Variants in ANKLE2 observed in about 807,000 individuals in gnomAD.
The protein encoded by ANKLE2 is ankyrin repeat and LEM domain containing 2.
A neutral mutation model predicts 84.2 loss-of-function variants in ANKLE2; 55 were observed. That is an observed-to-expected ratio of 0.65 (90% CI 0.53 to 0.82). The LOEUF (loss-of-function observed/expected upper bound fraction) is 0.82. Among genes scored for constraint, ANKLE2 ranks in the 40% least tolerant of loss-of-function variants. ANKLE2 has a pLI of 0.00. For synonymous variants in ANKLE2, 551 were observed against 486.1 expected (o/e 1.13, Z -1.76); for missense variants, 1,238 against 1,201.9 (o/e 1.03, Z -0.44).
chr12:132,749,171 G>C (rs1031566983), intron 3 of ANKLE2: 4 of 151,590 alleles, frequency 2.6e-5, no homozygotes, highest in South Asian at 2.1e-4. Flanking sequence ...GATTTTTTTG[G>C]GGGGGACGCA....
At chr12:132,741,835 C>T (rs1259050586) in intron 6 of ANKLE2, 24 of 473,942 alleles carry the variant, frequency 5.1e-5, no homozygotes, top group South Asian at 3.4e-4. Flanking sequence ...GTTCCACTTA[C>T]AGGAAGCCTG....
chr12:132,726,091 T>C lies in ANKLE2; in HGVS notation c.*1151A>G, dbSNP rs34590303. The C allele has an allele frequency of 0.012, 1,790 of 152,470 alleles. 22 individuals carry two copies. Among genetic ancestry groups the C allele is most frequent in the Non-Finnish European group, 0.019 (1,309 of 68,130 alleles). 9.4% of individuals were successfully genotyped at this position (152,470 alleles called of 1,614,324 possible). Reference sequence around the variant, plus strand: ...TTTAAAAATGATTTATAAAAGGCACTGAAGTTAGCAAAAGCATTGGTGGGT... The same window carrying C: ...TTTAAAAATGATTTATAAAAGGCACCGAAGTTAGCAAAAGCATTGGTGGGT... On this transcript the variant is annotated 3_prime_UTR_variant, in exon 13 of 13. Transcript: ENST00000357997.
At chr12:132,759,464 T>A (rs1350593817) in intron 1 of ANKLE2, 1 of 137,952 alleles carries the variant, frequency 7.2e-6, no homozygotes, top group Non-Finnish European at 1.5e-5. Context: ...CCACTTACCG[T>A]CCCCACCTGC....
At chr12:132,745,887 C>T (rs1424298842) in intron 5 of ANKLE2, among the ~76,000 whole-genome samples, 1 of 152,258 alleles carries the variant, frequency 6.6e-6, no homozygotes, top group Non-Finnish European at 1.5e-5. Context: ...TGCCCATCCA[C>T]AAGGAGACGT....
chr12:132,755,429 C>CT (rs2136180265), intron 1 of ANKLE2: 5 of 250,010 alleles, frequency 2.0e-5, no homozygotes, highest in Non-Finnish European at 2.3e-5. Flanking sequence ...CCTGTAATCC[C>CT]AGCTACTTGG....
rs375162725 is a variant in ANKLE2 at position 132,748,261 on chromosome 12, C to T, written c.918G>A (p.Thr306=). 1.2e-4 allele frequency: 198 copies of T among 1,614,062 alleles called. No individual in the cohort carries two copies. Among genetic ancestry groups the T allele is most frequent in the Non-Finnish European group, 1.6e-4 (187 of 1,180,042 alleles). ...TCCGAAGCTTGGCGGTGAGGTCCTGCGTGCGGGGATTTTTGTAACTGTTCG... is the reference window on the plus strand; with the variant it reads ...TCCGAAGCTTGGCGGTGAGGTCCTGTGTGCGGGGATTTTTGTAACTGTTCG... ...ERANSYKNPR[T]QDLTAKLRKA... is the part of the protein sequence containing the mutation. The change falls in exon 4 of 13, where the codon ACG becomes ACA. Residue 306 remains threonine, a synonymous_variant. Transcript: ENST00000357997.
Position 132,742,139 on chromosome 12 carries a change from G to C in ANKLE2, c.1354-654C>G, listed in dbSNP as rs1416831276. ...TCAAATGCTTTTTAAAATGCCAGGAGTTTTAAGTTGGTTACCAAATGCCAT... is the reference window on the plus strand; with the variant it reads ...TCAAATGCTTTTTAAAATGCCAGGACTTTTAAGTTGGTTACCAAATGCCAT... On this transcript the variant is annotated intron_variant, in intron 6 of 12. Transcript: ENST00000357997. The C allele has an allele frequency of 2.4e-5, 6 of 253,388 alleles. 1 individual carries two copies. Among genetic ancestry groups the C allele is most frequent in the South Asian group, 1.9e-4 (5 of 26,156 alleles). 15.7% of individuals were successfully genotyped at this position (253,388 alleles called of 1,614,324 possible).
intron 5 of ANKLE2, chr12:132,745,764 G>A (rs1457977967): frequency 2.3e-5 from 4 of 177,664 alleles, no homozygotes; most frequent in East Asian, 2.8e-4. Flanking sequence ...GCCTGTGGTC[G>A]CTTACGCTCA....
At chr12:132,751,841 C>A (rs2044363977) in intron 2 of ANKLE2, among the ~76,000 whole-genome samples, 1 of 152,132 alleles carries the variant, frequency 6.6e-6, no homozygotes. Flanking sequence ...CTGTACCCGG[C>A]TGGGAATGCC....
rs757531686 is a variant in ANKLE2, at chr12:132,754,745, C to T, written c.570G>A (p.Ala190=). Residue 190 remains alanine (A), a synonymous_variant, in exon 2 of 13, where the codon GCG becomes GCA. Coordinates refer to ENST00000357997, the MANE Select transcript of ANKLE2 (RefSeq NM_015114.3). ...PSDTDTYRAG[A]TASKEPPLYY... ...ACAGGGGCGGCTCCTTAGACGCAGT[C>T]GCTCCAGCTCTGTAGGTGTCGGTGT... 21 of 1,614,038 alleles carry T rather than the reference C, an allele frequency of 1.3e-5. No individual in the cohort carries two copies. Among genetic ancestry groups the T allele is most frequent in the East Asian group, 4.5e-5 (2 of 44,896 alleles).
In ANKLE2 at chr12:132,747,888, G is replaced by T; in HGVS notation, c.1174C>A (p.Leu392Met). 1 of 1,611,054 alleles carries T rather than the reference G, an allele frequency of 6.2e-7. No homozygotes were observed. The highest frequency in any genetic ancestry group is 1.1e-5 in the South Asian group (1 of 90,648). ...ACCACGTAACGGATACGCTTCTGCA[G>T]CATGGCCTCGTCGTCATCAGGGTAC... ...LMYPDDDEAMLQKRIRYVVDL... is the reference protein window; with the variant it reads ...LMYPDDDEAMMQKRIRYVVDL... Residue 392 changes from leucine to methionine, a missense_variant, in exon 5 of 13, where the codon CTG (leucine) becomes ATG (methionine). Around this residue, in one of 3 missense-constraint regions of ANKLE2, gnomAD observed 802 missense variants for 774.5 expected, o/e 1.04. Transcript: ENST00000357997.
At chr12:132,757,234 C>T (rs930103616) in intron 1 of ANKLE2, 3 of 152,228 alleles carry the variant, frequency 2.0e-5, no homozygotes, top group Non-Finnish European at 2.9e-5. Context: ...TAGGGCAAAG[C>T]AAATAATTGG....
Position 132,735,223 on chromosome 12 carries a change from G to C in ANKLE2, c.1700+183C>G, listed in dbSNP as rs576224271. The C allele has an allele frequency of 4.1e-5, 25 of 608,006 alleles. No individual in the cohort carries two copies. The South Asian group carries it at 4.9e-4, about 12-fold the overall frequency. 37.7% of individuals were successfully genotyped at this position (608,006 alleles called of 1,614,324 possible). ...TGCAGACATCCCCCAGGTCTGGGAC[G>C]GGACTGGCTTAAGCTAGAATTCCAC... is the stretch of plus-strand genomic sequence containing the variant. On this transcript the variant is annotated intron_variant, in intron 9 of 12. Transcript: ENST00000357997.
chr12:132,759,217 C>T (rs1463188390), intron 1 of ANKLE2: 14 of 124,794 alleles, frequency 1.1e-4, no homozygotes, highest in African/African-American at 2.4e-4. Context: ...CAGAGTGGCA[C>T]CCCGGGGCAC....
intron 1 of ANKLE2, chr12:132,760,614 T>C (rs1272331526): frequency 6.6e-6 from 1 of 152,114 alleles, no homozygotes; most frequent in Admixed American, 6.5e-5. Context: ...CAGCAGAGTA[T>C]AAAGGATTAC....
At position 132,754,780 on chromosome 12, in the gene ANKLE2, G is replaced by T. The variant is rs756176214; in HGVS notation, c.535C>A (p.Pro179Thr). 1 of 1,614,114 alleles carries T rather than the reference G, an allele frequency of 6.2e-7. No individual in the cohort carries two copies. The highest frequency in any genetic ancestry group is 8.5e-7 in the Non-Finnish European group (1 of 1,180,016). Residue 179 changes from proline to threonine, a missense_variant, in exon 2 of 13, where the codon CCC becomes ACC. By Grantham distance (38) the Pro-to-Thr change is conservative (BLOSUM62 -1). Coordinates refer to ENST00000357997, the MANE Select transcript of ANKLE2 (RefSeq NM_015114.3). ...CTGTAGGTGTCGGTGTCACTAGGGG[G>T]CACCGAGCAGGTCTTGGATGTCACA... Reference protein sequence around the residue: ...EAVTSKTCSVPPSDTDTYRAG... With the variant: ...EAVTSKTCSVTPSDTDTYRAG...
chr12:132,744,959 C>T (rs1335159944), intron 5 of ANKLE2, among the ~76,000 whole-genome samples: 2 of 152,228 alleles, frequency 1.3e-5, no homozygotes, highest in African/African-American at 4.8e-5. Flanking sequence ...GGTTTACAGG[C>T]GTGAGCCACT....
intron 6 of ANKLE2, 36 bp from the exon 7 acceptor site, chr12:132,741,521 A>G (rs374923160): frequency 1.3e-6 from 2 of 1,581,010 alleles, no homozygotes; most frequent in Non-Finnish European, 1.7e-6. Flanking sequence ...ATCTTATTTG[A>G]TCGCAACATT....
rs1243924217 is a variant in ANKLE2, at chr12:132,743,388, G to C, written c.1231-112C>G. Reference sequence around the variant, plus strand: ...TCATTCATTTATTTATTTTGAGACGGAGTCTCACTGGCGTGATCTTGGCTC... The same window carrying C: ...TCATTCATTTATTTATTTTGAGACGCAGTCTCACTGGCGTGATCTTGGCTC... On this transcript the variant is annotated intron_variant, in intron 5 of 12. Coordinates refer to ENST00000357997, the MANE Select transcript of ANKLE2 (RefSeq NM_015114.3). This position sits in a 1 kb window ranked among gnomAD's most constrained non-coding sequence, Gnocchi z 4.1. The C allele has an allele frequency of 1.4e-5, 18 of 1,318,354 alleles. No homozygotes were observed. The highest frequency in any genetic ancestry group is 1.7e-5 in the Non-Finnish European group (17 of 991,046). The allele number at this position is 1,318,354 out of a possible 1,614,324, so 81.7% of individuals were successfully genotyped here.
Sources: gnomAD v4.1 joint callset for allele counts (sites outside exome capture counted in the v4.1 genomes callset) on GRCh38, gnomAD v4.1.1 for gene constraint, gnomAD v4.1.1 regional missense constraint, Gnocchi (gnomAD v3.1) non-coding constraint, MANE v1.5 for transcripts, NCBI Gene and HGNC (gene_info 2026-07-23, HGNC 2026-07-21) for gene names.